The following ADARB2 variants were observed in gnomAD, a reference collection of about 807,000 sequenced individuals.
ADARB2 encodes inactive double-stranded RNA-specific editase B2.
Under a neutral mutation model 62.2 loss-of-function variants are expected in ADARB2, and 25 were observed. The ratio of observed to expected loss-of-function variants is 0.40; its 90% CI spans 0.29 to 0.56. The LOEUF (loss-of-function observed/expected upper bound fraction) is 0.56. Among genes scored for constraint, ADARB2 ranks in the 20% least tolerant of loss-of-function variants. ADARB2 has a pLI of 0.43. For synonymous variants in ADARB2, 572 were observed against 500.8 expected, an observed-to-expected ratio of 1.14 and a Z score of -1.90; for missense variants, 1,071 against 1,077.4, an observed-to-expected ratio of 0.99 and a Z score of 0.08.
chr10:1,327,426 C>CT (rs1831876132), intron 3 of ADARB2, among the ~76,000 whole-genome samples: 1 of 95,142 alleles, frequency 1.1e-5, no homozygotes, highest in African/African-American at 4.7e-5. Flanking sequence ...CCAGCGCCTC[C>CT]CCACTGCCCA....
Position 1,499,146 on chromosome 10 carries a change from T to G in ADARB2, c.101-119986A>C, listed in dbSNP as rs1438618722. Among the ~76,000 whole-genome samples the G allele has an allele frequency of 4.6e-5, 7 of 151,976 alleles. No homozygotes were observed. In the East Asian group the frequency reaches 9.7e-4, roughly 21 times the overall value. On this transcript the variant is annotated intron_variant, in intron 1 of 9. Transcript: ENST00000381312. Reference sequence around the variant, plus strand: ...TTATTCATCACTCATCACTCACTCATTACTCATTTATTACTCATCATTCAT... The same window carrying G: ...TTATTCATCACTCATCACTCACTCAGTACTCATTTATTACTCATCATTCAT...
At chr10:1,288,694 T>C (rs1276842023) in intron 3 of ADARB2, among the ~76,000 whole-genome samples, 1 of 152,182 alleles carries the variant, frequency 6.6e-6, no homozygotes, top group African/African-American at 2.4e-5. Context: ...CTTAGATGAA[T>C]TGGGGTAGGA....
chr10:1,655,712 A>T (rs1834165544), intron 1 of ADARB2, among the ~76,000 whole-genome samples: 1 of 152,204 alleles, frequency 6.6e-6, no homozygotes, highest in Admixed American at 6.5e-5. Flanking sequence ...TTTATTAGAA[A>T]ATGGCCTCAT....
intron 1 of ADARB2, among the ~76,000 whole-genome samples, chr10:1,603,959 C>T (rs1833463748): frequency 1.3e-5 from 2 of 152,064 alleles, no homozygotes; most frequent in African/African-American, 4.8e-5. Flanking sequence ...TGCACACCAT[C>T]ATGCCTGACT....
chr10:1,262,741 G>C (rs563295277), intron 4 of ADARB2, among the ~76,000 whole-genome samples: 368 of 152,262 alleles, frequency 2.4e-3, no homozygotes, highest in Middle Eastern at 6.8e-3. Context: ...CAGGGATCTA[G>C]AACTAGAAAT....
intron 1 of ADARB2, among the ~76,000 whole-genome samples, chr10:1,405,445 C>T (rs193148433): frequency 9.9e-5 from 15 of 152,038 alleles, no homozygotes; most frequent in East Asian, 3.9e-4. Flanking sequence ...GCCTGGCCAA[C>T]GTGGCAAAAC....
intron 7 of ADARB2, among the ~76,000 whole-genome samples, chr10:1,215,169 G>T (rs1329403465): frequency 2.0e-5 from 3 of 152,216 alleles, no homozygotes. Context: ...ACGGGCCAGG[G>T]CCCAGCACTC....
rs75223440 is a variant in ADARB2 at position 1,418,593 on chromosome 10, C to T, written c.101-39433G>A. Among the ~76,000 whole-genome samples, 1,310 of 152,218 alleles carry T rather than the reference C, an allele frequency of 8.6e-3. 23 individuals are homozygous for T. Among genetic ancestry groups the T allele is most frequent in the African/African-American group, 0.029 (1,216 of 41,504 alleles). Reference sequence around the variant, plus strand: ...CAGCCCGCAGTAAAAAGCAGTTGTCCGAAGCTTCTGGTGTCTTGAGGAAAT... The same window carrying T: ...CAGCCCGCAGTAAAAAGCAGTTGTCTGAAGCTTCTGGTGTCTTGAGGAAAT... On this transcript the variant is annotated intron_variant, in intron 1 of 9. Transcript: ENST00000381312.
intron 1 of ADARB2, among the ~76,000 whole-genome samples, chr10:1,402,754 A>G (rs1055326905): frequency 3.3e-5 from 5 of 152,100 alleles, no homozygotes; most frequent in East Asian, 1.9e-4. Flanking sequence ...CTCAGCTCCA[A>G]CGGGGGCTCT....
At chr10:1,382,444 G>A (rs1054551208) in intron 1 of ADARB2, among the ~76,000 whole-genome samples, 2 of 152,178 alleles carry the variant, frequency 1.3e-5, no homozygotes, top group East Asian at 1.9e-4. Context: ...AGGGCAGACC[G>A]CATCTTTAGA....
At chr10:1,574,736 C>G (rs1310117628) in intron 1 of ADARB2, among the ~76,000 whole-genome samples, 2 of 141,464 alleles carry the variant, frequency 1.4e-5, no homozygotes, top group Non-Finnish European at 3.2e-5. Flanking sequence ...TCTTAATTAT[C>G]TCTGTAAAGA....
chr10:1,619,648 C>T (rs1833684797), intron 1 of ADARB2, among the ~76,000 whole-genome samples: 1 of 152,136 alleles, frequency 6.6e-6, no homozygotes, highest in African/African-American at 2.4e-5. Flanking sequence ...GATGGGGTTT[C>T]ACCATGTTGG....
At chr10:1,633,636 T>A (rs1833877813) in intron 1 of ADARB2, among the ~76,000 whole-genome samples, 1 of 134,696 alleles carries the variant, frequency 7.4e-6, no homozygotes, top group Admixed American at 7.7e-5. Context: ...TATCTATCCA[T>A]CCATCTATCA....
At chr10:1,204,981 C>T (rs750211077) in intron 7 of ADARB2, among the ~76,000 whole-genome samples, 1 of 152,226 alleles carries the variant, frequency 6.6e-6, no homozygotes, top group Non-Finnish European at 1.5e-5. Flanking sequence ...CTGCACCTGC[C>T]TTGAGCCTCT....
At chr10:1,639,104 G>C (rs1372751641) in intron 1 of ADARB2, among the ~76,000 whole-genome samples, 1 of 152,236 alleles carries the variant, frequency 6.6e-6, no homozygotes, top group Non-Finnish European at 1.5e-5. Flanking sequence ...ATCTCCTAAA[G>C]CTGGAGCACT....
chr10:1,423,070 C>T (rs897178055), intron 1 of ADARB2, among the ~76,000 whole-genome samples: 8 of 152,190 alleles, frequency 5.3e-5, no homozygotes, highest in Non-Finnish European at 1.0e-4. Flanking sequence ...CTGGAGCTTA[C>T]ATCACTGAAG....
intron 3 of ADARB2, among the ~76,000 whole-genome samples, chr10:1,348,939 G>T (rs151243383): frequency 2.5e-4 from 38 of 152,322 alleles, no homozygotes; most frequent in African/African-American, 8.9e-4. Context: ...ATGGAAAGAG[G>T]CCTGTGTGAC....
chr10:1,563,222 C>A (rs544164602), intron 1 of ADARB2, among the ~76,000 whole-genome samples: 2 of 151,608 alleles, frequency 1.3e-5, no homozygotes, highest in Admixed American at 1.3e-4. Context: ...TCTGTCCCTG[C>A]GACTCCCCAG....
At chr10:1,678,689 G>A (rs117266121) in intron 1 of ADARB2, among the ~76,000 whole-genome samples, 3,299 of 152,142 alleles carry the variant, frequency 0.022, 35 homozygotes, top group African/African-American at 0.038. Flanking sequence ...TTCTTTTTAG[G>A]AGAGCACCTT....
Sources: gnomAD v4.1 joint callset for allele counts (sites outside exome capture counted in the v4.1 genomes callset) on GRCh38, gnomAD v4.1.1 for gene constraint, MANE v1.5 for transcripts, NCBI Gene and HGNC (gene_info 2026-07-23, HGNC 2026-07-21) for gene names.